The following TSHZ2 variants were observed in gnomAD, a reference collection of about 807,000 sequenced individuals.
The protein encoded by TSHZ2 is teashirt homolog 2.
In TSHZ2, 21 loss-of-function variants were observed where a neutral mutation model predicts 74.4. The ratio of observed to expected loss-of-function variants is 0.28; its 90% CI spans 0.20 to 0.41. The LOEUF (loss-of-function observed/expected upper bound fraction) is 0.41. Ranked by LOEUF, TSHZ2 falls within the 10% of genes least tolerant of loss-of-function variation. TSHZ2 has a pLI of 1.00. For missense variants in TSHZ2, 1,244 were observed against 1,293.5 expected (o/e 0.96, Z 0.59); for synonymous variants, 540 against 515.3 (o/e 1.05, Z -0.65).
At chr20:53,305,416 T>C (rs1978489777) in intron 2 of TSHZ2, among the ~76,000 whole-genome samples, 1 of 152,114 alleles carries the variant, frequency 6.6e-6, no homozygotes, top group Non-Finnish European at 1.5e-5. Flanking sequence ...TTTTTTTTTC[T>C]TTTCTGGTAC....
At chr20:53,371,884 A>G (rs1483087657) in intron 2 of TSHZ2, among the ~76,000 whole-genome samples, 1 of 150,522 alleles carries the variant, frequency 6.6e-6, no homozygotes, top group Non-Finnish European at 1.5e-5. Flanking sequence ...CAAAAAAAAA[A>G]AAAAGAAAAA....
intron 1 of TSHZ2, among the ~76,000 whole-genome samples, chr20:53,246,036 C>CTTTTTTTTTTTTTTTT (rs201257665): frequency 2.8e-4 from 36 of 126,742 alleles, no homozygotes; most frequent in Middle Eastern, 4.0e-3. Flanking sequence ...TTCTTTCTTT[C>CTTTTTTTTTTTTTTTT]TTTCTTTTTT....
chr20:53,099,582 A>T (rs1986156394), intron 1 of TSHZ2, among the ~76,000 whole-genome samples: 1 of 152,218 alleles, frequency 6.6e-6, no homozygotes, highest in African/African-American at 2.4e-5. Flanking sequence ...TGGGTAATTT[A>T]TAAAGAAAAA....
chr20:53,311,898 A>T (rs1017085888), intron 2 of TSHZ2, among the ~76,000 whole-genome samples: 3 of 152,092 alleles, frequency 2.0e-5, no homozygotes, highest in African/African-American at 7.2e-5. Flanking sequence ...CCTTGGAAAC[A>T]TAGGGAGATA....
At chr20:53,238,392 ATC>A (rs993794950) in intron 1 of TSHZ2, among the ~76,000 whole-genome samples, 3 of 152,134 alleles carry the variant, frequency 2.0e-5, no homozygotes, top group Non-Finnish European at 4.4e-5. Context: ...TCAAAAGACA[ATC>A]TCTCTATCAT....
intron 2 of TSHZ2, among the ~76,000 whole-genome samples, chr20:53,338,651 G>C (rs1015035231): frequency 1.3e-5 from 2 of 152,146 alleles, no homozygotes; most frequent in African/African-American, 2.4e-5. Context: ...GTCCTACAGT[G>C]CCTGGGACAG....
intron 2 of TSHZ2, among the ~76,000 whole-genome samples, chr20:53,341,732 G>C (rs975380427): frequency 6.6e-6 from 1 of 151,886 alleles, no homozygotes; most frequent in Non-Finnish European, 1.5e-5. Flanking sequence ...CGGGCTGGGG[G>C]GACAGAGCTG....
chr20:53,251,803 T>C (rs1990337738), intron 1 of TSHZ2, among the ~76,000 whole-genome samples: 1 of 152,242 alleles, frequency 6.6e-6, no homozygotes, highest in South Asian at 2.1e-4. Flanking sequence ...TGGTTATCTA[T>C]TTAGTGACAT....
chr20:53,091,418 G>A (rs2123262008), intron 1 of TSHZ2, among the ~76,000 whole-genome samples: 1 of 152,304 alleles, frequency 6.6e-6, no homozygotes. Flanking sequence ...GTTGCCTGCT[G>A]AGCTTCCAGC....
intron 1 of TSHZ2, among the ~76,000 whole-genome samples, chr20:53,039,126 TCCAC>T (rs11467957): frequency 0.27 from 41,191 of 151,502 alleles, 8,592 homozygotes; most frequent in African/African-American, 0.58. Flanking sequence ...CCTCAGGTGA[TCCAC>T]CCACTTCCAC....
At position 53,324,380 on chromosome 20, in the gene TSHZ2, T is replaced by C. The variant is rs75308827; in HGVS notation, c.*8+67809T>C. On this transcript the variant is annotated intron_variant, in intron 2 of 2. Transcript: ENST00000371497. Reference sequence around the variant, plus strand: ...ACTTTTTGTTTTTGGTTTTGTTTTGTTTTGCTTTGTTTTTTGAGACAAGGT... The same window carrying C: ...ACTTTTTGTTTTTGGTTTTGTTTTGCTTTGCTTTGTTTTTTGAGACAAGGT... Among the ~76,000 whole-genome samples, 1,475 of 152,164 alleles carry C rather than the reference T, an allele frequency of 9.7e-3. 19 individuals are homozygous for C. The highest frequency in any genetic ancestry group is 0.034 in the African/African-American group (1,398 of 41,504).
chr20:53,094,734 C>G (rs900168670), intron 1 of TSHZ2, among the ~76,000 whole-genome samples: 1 of 152,192 alleles, frequency 6.6e-6, no homozygotes, highest in African/African-American at 2.4e-5. Flanking sequence ...AACACCTAGA[C>G]TCTTCACAAG....
intron 1 of TSHZ2, among the ~76,000 whole-genome samples, chr20:53,089,060 TC>T (rs1175174743): frequency 2.0e-5 from 3 of 151,900 alleles, no homozygotes; most frequent in African/African-American, 7.3e-5. Context: ...CTCAACCACC[TC>T]CTCCTCGCCC....
intron 2 of TSHZ2, among the ~76,000 whole-genome samples, chr20:53,291,838 A>G (rs970057727): frequency 3.3e-5 from 5 of 152,180 alleles, no homozygotes; most frequent in Admixed American, 6.5e-5. Context: ...ACGTTGGTAC[A>G]TTTGGTACAT....
chr20:53,224,048 CAG>C (rs375621284), intron 1 of TSHZ2, among the ~76,000 whole-genome samples: 36 of 152,178 alleles, frequency 2.4e-4, no homozygotes, highest in African/African-American at 6.5e-4. Flanking sequence ...TGAGGGAAAA[CAG>C]GGGAAGGATA....
At chr20:53,033,741 C>A (rs1019683934) in intron 1 of TSHZ2, among the ~76,000 whole-genome samples, 3 of 136,280 alleles carry the variant, frequency 2.2e-5, no homozygotes, top group African/African-American at 8.4e-5. Flanking sequence ...CTCACTGCAA[C>A]CTCCACCTCC....
intron 2 of TSHZ2, among the ~76,000 whole-genome samples, chr20:53,271,913 T>C (rs1452015007): frequency 6.6e-6 from 1 of 152,206 alleles, no homozygotes; most frequent in Non-Finnish European, 1.5e-5. Context: ...CTTTTCATGA[T>C]CATAGAGACA....
chr20:53,006,913 T>G (rs770080153), intron 1 of TSHZ2, among the ~76,000 whole-genome samples: 1 of 131,444 alleles, frequency 7.6e-6, no homozygotes, highest in Non-Finnish European at 1.7e-5. Context: ...TGAGTAGGAG[T>G]TGGGAGAGTT....
chr20:53,349,677 C>T (rs1980574511), intron 2 of TSHZ2, among the ~76,000 whole-genome samples: 1 of 150,646 alleles, frequency 6.6e-6, no homozygotes, highest in African/African-American at 2.4e-5. Flanking sequence ...AGAAGTGTAG[C>T]TTCCCCAGGT....
Sources: gnomAD v4.1 joint callset for allele counts (sites outside exome capture counted in the v4.1 genomes callset) on GRCh38, gnomAD v4.1.1 for gene constraint, MANE v1.5 for transcripts, NCBI Gene and HGNC (gene_info 2026-07-23, HGNC 2026-07-21) for gene names.